Variants in MYO3B observed in about 807,000 individuals in gnomAD.
The protein encoded by MYO3B is myosin-IIIb.
MYO3B carries 156 observed loss-of-function variants against 174.6 expected under a neutral mutation model. The ratio of observed to expected loss-of-function variants is 0.89; its 90% CI spans 0.78 to 1.02. The LOEUF is 1.02. Ranked by LOEUF, MYO3B falls within the 50% of genes least tolerant of loss-of-function variation. MYO3B has a pLI of 0.00. For synonymous variants in MYO3B, 563 were observed against 569.1 expected (o/e 0.99, Z 0.15); for missense variants, 1,632 against 1,639.4 (o/e 1.00, Z 0.08).
intron 32 of MYO3B, among the ~76,000 whole-genome samples, chr2:170,557,166 G>A (rs1314849354): frequency 6.9e-6 from 1 of 144,070 alleles, no homozygotes; most frequent in Non-Finnish European, 1.5e-5. Flanking sequence ...TTGAGACGGA[G>A]TCTCGCTCTG....
Position 170,444,003 on chromosome 2 carries a change from C to T in MYO3B, c.2687C>T (p.Ala896Val), listed in dbSNP as rs779303761. Residue 896 changes from alanine (A) to valine (V), a missense_variant, in exon 23 of 35, where the codon GCC becomes GTC. By Grantham distance (64) the Ala-to-Val change is moderately conservative. Transcript: ENST00000408978. ...LAQTRARITVASSSLPPHFSA... is the reference protein window; with the variant it reads ...LAQTRARITVVSSSLPPHFSA... The stretch of plus-strand genomic sequence containing the variant: ...CAGACAAGAGCTAGGATAACAGTGG[C>T]CTCAAGTTCTTTGCCTCCACATTTC... 2 of 1,613,140 alleles carry T rather than the reference C, an allele frequency of 1.2e-6. No individual in the cohort carries two copies. Among genetic ancestry groups the T allele is most frequent in the South Asian group, 2.2e-5 (2 of 90,952 alleles).
intron 22 of MYO3B, among the ~76,000 whole-genome samples, chr2:170,426,990 C>T (rs958731781): frequency 8.6e-5 from 13 of 151,724 alleles, no homozygotes; most frequent in Admixed American, 6.6e-4. Context: ...TGCACTCTAG[C>T]CTGGGTGATA....
chr2:170,529,101 A>T (rs150714488), intron 30 of MYO3B, among the ~76,000 whole-genome samples: 25 of 152,312 alleles, frequency 1.6e-4, no homozygotes, highest in Admixed American at 4.6e-4. Context: ...ATTTTTTAGT[A>T]TGATATTTTT....
chr2:170,614,822 A>G (rs1352643780), intron 32 of MYO3B, among the ~76,000 whole-genome samples: 1 of 152,076 alleles, frequency 6.6e-6, no homozygotes, highest in Non-Finnish European at 1.5e-5. Context: ...TGTCTTTAGA[A>G]AGTTCCCTCC....
At chr2:170,507,379 G>A (rs1687678680) in intron 28 of MYO3B, among the ~76,000 whole-genome samples, 1 of 150,740 alleles carries the variant, frequency 6.6e-6, no homozygotes, top group Admixed American at 6.7e-5. Context: ...ACTTGAGAAA[G>A]TGGGGCTTTC....
At chr2:170,440,295 G>A (rs910113983) in intron 22 of MYO3B, among the ~76,000 whole-genome samples, 3 of 152,006 alleles carry the variant, frequency 2.0e-5, no homozygotes, top group African/African-American at 7.3e-5. Context: ...TGAATTTTAG[G>A]ATATTTTTTC....
intron 7 of MYO3B, among the ~76,000 whole-genome samples, chr2:170,317,995 C>T (rs1255753751): frequency 6.6e-6 from 1 of 152,174 alleles, no homozygotes; most frequent in Non-Finnish European, 1.5e-5. Flanking sequence ...CTACTTTTCA[C>T]CCAAATAATA....
chr2:170,546,770 T>C (rs1379837807), intron 32 of MYO3B, among the ~76,000 whole-genome samples: 1 of 152,234 alleles, frequency 6.6e-6, no homozygotes, highest in East Asian at 1.9e-4. Flanking sequence ...TGACCCATTA[T>C]TTTAACCCAT....
At chr2:170,342,029 A>G (rs139006361) in intron 8 of MYO3B, 1 of 152,350 alleles carries the variant, frequency 6.6e-6, no homozygotes, top group Non-Finnish European at 1.5e-5. Context: ...CTCAGGAACC[A>G]TGGTAATGTG....
At chr2:170,522,298 C>T (rs1390503767) in intron 30 of MYO3B, among the ~76,000 whole-genome samples, 2 of 152,088 alleles carry the variant, frequency 1.3e-5, no homozygotes, top group African/African-American at 4.8e-5. Flanking sequence ...AACAGAAAAG[C>T]CCCTCCTAAA....
At chr2:170,397,706 T>A (rs997449476) in intron 16 of MYO3B, among the ~76,000 whole-genome samples, 2 of 152,144 alleles carry the variant, frequency 1.3e-5, no homozygotes, top group African/African-American at 4.8e-5. Context: ...CACTCAATTC[T>A]GACCCTCTCC....
At chr2:170,494,727 CAAAAA>C (rs3066990) in intron 25 of MYO3B, among the ~76,000 whole-genome samples, 8 of 92,036 alleles carry the variant, frequency 8.7e-5, no homozygotes, top group African/African-American at 1.2e-4. Context: ...AACTGCGTCT[CAAAAA>C]AAAAAAAAAA....
At chr2:170,513,180 A>G (rs1688087978) in intron 28 of MYO3B, among the ~76,000 whole-genome samples, 2 of 152,152 alleles carry the variant, frequency 1.3e-5, no homozygotes, top group Admixed American at 1.3e-4. Flanking sequence ...AACATCTGTC[A>G]TGCCACTCCC....
intron 32 of MYO3B, among the ~76,000 whole-genome samples, chr2:170,636,657 T>C (rs1308712572): frequency 6.6e-6 from 1 of 152,138 alleles, no homozygotes. Flanking sequence ...CTTCCAGAGC[T>C]GGTGGCGCGT....
At chr2:170,311,897 C>T (rs10209604) in intron 7 of MYO3B, among the ~76,000 whole-genome samples, 105,382 of 152,094 alleles carry the variant, frequency 0.69, 39,487 homozygotes, top group East Asian at 0.92. Flanking sequence ...GCAACATTGT[C>T]GAAAATCAAT....
chr2:170,351,613 A>C (rs2094070788), intron 8 of MYO3B, among the ~76,000 whole-genome samples: 1 of 152,054 alleles, frequency 6.6e-6, no homozygotes, highest in Non-Finnish European at 1.5e-5. Context: ...CATTACTAGA[A>C]TAGGAGGGTG....
intron 6 of MYO3B, among the ~76,000 whole-genome samples, chr2:170,220,554 G>A (rs758073871): frequency 2.7e-5 from 4 of 149,210 alleles, no homozygotes; most frequent in African/African-American, 5.0e-5. Context: ...GCGTGAACCC[G>A]GGAGGCAGAG....
chr2:170,319,711 G>T (rs368762224), intron 7 of MYO3B, among the ~76,000 whole-genome samples: 1 of 152,246 alleles, frequency 6.6e-6, no homozygotes. Context: ...AATACAAAGA[G>T]ATTGAGACCT....
chr2:170,593,338 C>T (rs562447009), intron 32 of MYO3B, among the ~76,000 whole-genome samples: 72 of 152,220 alleles, frequency 4.7e-4, no homozygotes, highest in Admixed American at 2.4e-3. Context: ...CCTGGGCTCA[C>T]GCGATCCTCC....
Sources: allele counts gnomAD v4.1 joint callset (sites outside exome capture counted in the v4.1 genomes callset), GRCh38; gene constraint gnomAD v4.1.1; transcripts MANE v1.5; gene names NCBI Gene and HGNC (gene_info 2026-07-23, HGNC 2026-07-21).